TTC13: variants seen among roughly 807,000 people sequenced by gnomAD.
The protein encoded by TTC13 is tetratricopeptide repeat protein 13.
Under a neutral mutation model 120.0 loss-of-function variants are expected in TTC13, and 62 were observed. The ratio of observed to expected loss-of-function variants is 0.52; its 90% CI spans 0.42 to 0.64. The LOEUF is 0.64. TTC13 is among the 30% of genes least tolerant of loss of function. The pLI is 0.00. For synonymous variants in TTC13, 384 were observed against 393.5 expected, an observed-to-expected ratio of 0.98 and a Z score of 0.28; for missense variants, 824 against 1,050.2, an observed-to-expected ratio of 0.78 and a Z score of 2.98.
chr1:230,977,754 G>A (rs955426511), intron 1 of TTC13, among the ~76,000 whole-genome samples: 4 of 152,110 alleles, frequency 2.6e-5, no homozygotes, highest in African/African-American at 9.6e-5. Flanking sequence ...GGAGATTGAT[G>A]GGTAAAAAGA....
intron 4 of TTC13, among the ~76,000 whole-genome samples, chr1:230,945,866 A>G (rs1418132767): frequency 6.6e-6 from 1 of 152,232 alleles, no homozygotes; most frequent in African/African-American, 2.4e-5. Context: ...GTTTTCTTTC[A>G]TATATCCATG....
At chr1:230,970,428 G>A (rs1028726251) in intron 1 of TTC13, among the ~76,000 whole-genome samples, 2 of 152,118 alleles carry the variant, frequency 1.3e-5, no homozygotes, top group Non-Finnish European at 2.9e-5. Flanking sequence ...TTTTCAGGAT[G>A]GTAGTTTTAT....
At chr1:230,917,169 G>T (rs1053429094) in intron 17 of TTC13, among the ~76,000 whole-genome samples, 3 of 152,100 alleles carry the variant, frequency 2.0e-5, no homozygotes, top group African/African-American at 7.2e-5. Flanking sequence ...CACTGAGCAG[G>T]CAAGCATCTT....
chr1:230,967,964 A>T (rs1677292736), intron 1 of TTC13, among the ~76,000 whole-genome samples: 1 of 152,204 alleles, frequency 6.6e-6, no homozygotes, highest in Non-Finnish European at 1.5e-5. Flanking sequence ...GTTCTTCTAC[A>T]TCATCTCTGG....
intron 2 of TTC13, among the ~76,000 whole-genome samples, chr1:230,959,236 T>C (rs567273292): frequency 1.3e-3 from 198 of 152,258 alleles, no homozygotes; most frequent in African/African-American, 4.7e-3. Context: ...CAAAAAGATA[T>C]AGGGACGAGG....
rs770131332 is a variant in TTC13, at chr1:230,931,868, G to C, written c.993C>G (p.Gly331=). ...KSLGQAYREL[G]NFEAATESFQ... is the part of the protein sequence containing the mutation. ...AGCTCTCAGTGGCTGCTTCAAAATT[G>C]CCCAGTTCTCTAGGTATTTAATAAT... The change falls in exon 10 of 23, where the codon GGC becomes GGG. Residue 331 remains glycine (G), a synonymous_variant. Transcript: ENST00000366661. 5 of 1,613,934 alleles carry C rather than the reference G, an allele frequency of 3.1e-6. No homozygotes were observed. The highest frequency in any genetic ancestry group is 4.2e-6 in the Non-Finnish European group (5 of 1,179,992).
At chr1:230,932,082 A>G (rs1433641752) in intron 9 of TTC13, among the ~76,000 whole-genome samples, 2 of 152,156 alleles carry the variant, frequency 1.3e-5, no homozygotes, top group African/African-American at 4.8e-5. Context: ...AGAGCTCTTG[A>G]AATTCTGTGG....
intron 3 of TTC13, among the ~76,000 whole-genome samples, chr1:230,956,805 T>C (rs1451959436): frequency 1.3e-5 from 2 of 152,106 alleles, no homozygotes; most frequent in Non-Finnish European, 2.9e-5. Flanking sequence ...AATATTAGGA[T>C]CTAAATTTTG....
chr1:230,969,056 C>T (rs1227835612), intron 1 of TTC13, among the ~76,000 whole-genome samples: 2 of 152,078 alleles, frequency 1.3e-5, no homozygotes, highest in East Asian at 1.9e-4. Context: ...GGGCGGATCA[C>T]GAGGTCAGGA....
chr1:230,957,613 G>A (rs547362102), intron 3 of TTC13, among the ~76,000 whole-genome samples: 2 of 152,278 alleles, frequency 1.3e-5, no homozygotes, highest in Admixed American at 1.3e-4. Context: ...GCACTGCTCA[G>A]CCCTGTATTC....
In TTC13 at chr1:230,953,564, A is replaced by G. The variant is rs533901972; in HGVS notation, c.513+769T>C. Among the ~76,000 whole-genome samples, 145 of 152,362 alleles carry G rather than the reference A, an allele frequency of 9.5e-4. 1 individual carries two copies. Among genetic ancestry groups the G allele is most frequent in the Non-Finnish European group, 1.6e-3 (111 of 68,028 alleles). On this transcript the variant is annotated intron_variant, in intron 4 of 22. Transcript: ENST00000366661. ...TTTGGAGGTAGTTATTATTATCTCCATAACTCAGGAGTTTAAATAACTTGG... is the reference window on the plus strand; with the variant it reads ...TTTGGAGGTAGTTATTATTATCTCCGTAACTCAGGAGTTTAAATAACTTGG...
At chr1:230,969,976 CTTTT>C (rs1195825021) in intron 1 of TTC13, among the ~76,000 whole-genome samples, 11 of 152,214 alleles carry the variant, frequency 7.2e-5, no homozygotes, top group Non-Finnish European at 1.0e-4. Context: ...AACCTCATTT[CTTTT>C]GATTCTCCAT....
chr1:230,978,596 C>A lies in TTC13; in HGVS notation c.235G>T (p.Gly79Trp). Residue 79 changes from glycine to tryptophan, a missense_variant, in exon 1 of 23, where the codon GGG becomes TGG. Around this residue, in one of 4 missense-constraint regions of TTC13, gnomAD observed 160 missense variants for 137.2 expected, o/e 1.17. Coordinates refer to ENST00000366661, the MANE Select transcript of TTC13 (RefSeq NM_024525.5). This position sits in a 1 kb window ranked among gnomAD's most constrained non-coding sequence, Gnocchi z 5.6. ...GCAGAGTACTGGTCCCCCCAGTCCC[C>A]GGACTGCGGGCTGCAGCCGCCGCCG... is the stretch of plus-strand genomic sequence containing the variant. ...AGGGGCSPQS[G>W]DWGDQYSAEC... 7.2e-7 allele frequency: 1 copy of A among 1,393,854 alleles called. No individual in the cohort carries two copies. Among genetic ancestry groups the A allele is most frequent in the Non-Finnish European group, 9.5e-7 (1 of 1,052,514 alleles). 86.3% of individuals were successfully genotyped at this position (1,393,854 alleles called of 1,614,324 possible).
At chr1:230,966,097 G>A (rs1677099170) in intron 1 of TTC13, among the ~76,000 whole-genome samples, 1 of 151,976 alleles carries the variant, frequency 6.6e-6, no homozygotes, top group Non-Finnish European at 1.5e-5. Flanking sequence ...TTTGATTTCA[G>A]TATCACATTG....
In TTC13 at chr1:230,928,960, C is replaced by T. The variant is rs765205746; in HGVS notation, c.1434G>A (p.Gln478=). 2.5e-6 allele frequency: 4 copies of T among 1,614,030 alleles called. No homozygotes were observed. Among genetic ancestry groups the T allele is most frequent in the Admixed American group, 3.3e-5 (2 of 60,000 alleles). The change falls in exon 12 of 23, where the codon CAG becomes CAA. Residue 478 remains glutamine (Q), a synonymous_variant. Transcript: ENST00000366661. The part of the protein sequence containing the change: ...LPFLIEDYEE[Q]PGLQPHIKDV... Reference sequence around the variant, plus strand: ...ACTTTATGTGGGGTTGCAACCCTGGCTGCTCTTCGTAGTCTTCTATGAGGA... The same window carrying T: ...ACTTTATGTGGGGTTGCAACCCTGGTTGCTCTTCGTAGTCTTCTATGAGGA...
rs377430833 is a variant in TTC13, at chr1:230,908,704, G to T, written c.2468+8C>A. ...ATACCCTTGTGTGGACCCCCCTCAA[G>T]TAGTTACCTTTTCAAGTTCATCCAG... On this transcript the variant is annotated splice_region_variant and intron_variant, in intron 22 of 22. Transcript: ENST00000366661. 2.2e-5 allele frequency: 36 copies of T among 1,612,250 alleles called. No individual in the cohort carries two copies. Among genetic ancestry groups the T allele is most frequent in the Non-Finnish European group, 2.9e-5 (34 of 1,178,532 alleles).
At chr1:230,922,887 C>T (rs1672712433) in intron 15 of TTC13, among the ~76,000 whole-genome samples, 2 of 152,224 alleles carry the variant, frequency 1.3e-5, no homozygotes, top group African/African-American at 2.4e-5. Context: ...GCACAGCACA[C>T]TGGCTGATCT....
chr1:230,978,587 C>T lies in TTC13; in HGVS notation c.244G>A (p.Gly82Arg). 7.3e-7 allele frequency: 1 copy of T among 1,368,942 alleles called. No individual in the cohort carries two copies. Among genetic ancestry groups the T allele is most frequent in the Non-Finnish European group, 9.7e-7 (1 of 1,031,280 alleles). The allele number at this position is 1,368,942 out of a possible 1,614,324, so 84.8% of individuals were successfully genotyped here. The change falls in exon 1 of 23, where the codon GGG becomes AGG. Residue 82 changes from glycine to arginine, a missense_variant. Gly to Arg is a moderately radical substitution (Grantham distance 125). Coordinates refer to ENST00000366661, the MANE Select transcript of TTC13 (RefSeq NM_024525.5). This position sits in a 1 kb window ranked among gnomAD's most constrained non-coding sequence, Gnocchi z 5.6. ...CCGCACTCGGCAGAGTACTGGTCCC[C>T]CCAGTCCCCGGACTGCGGGCTGCAG... ...GGCSPQSGDW[G>R]DQYSAECGES... is the part of the protein sequence containing the mutation.
At position 230,906,933 on chromosome 1, in the gene TTC13, G is replaced by A. The variant is rs916813120; in HGVS notation, c.2555C>T (p.Ser852Phe). 1 of 1,527,038 alleles carries A rather than the reference G, an allele frequency of 6.5e-7. No homozygotes were observed. Among genetic ancestry groups the A allele is most frequent in the Non-Finnish European group, 8.7e-7 (1 of 1,144,348 alleles). 94.6% of individuals were successfully genotyped at this position (1,527,038 alleles called of 1,614,324 possible). A position where few individuals can be genotyped will look rare whatever the true frequency, so the allele number is the denominator to read the frequency against. Residue 852 changes from serine (S) to phenylalanine (F), a missense_variant, in exon 23 of 23, where the codon TCT (serine) becomes TTT (phenylalanine). Coordinates refer to ENST00000366661, the MANE Select transcript of TTC13 (RefSeq NM_024525.5). Reference protein sequence around the residue: ...RSMIEVLNTDSSPRCLKKL With the variant: ...RSMIEVLNTDFSPRCLKKL ...GAGTTTCTTAAGACAACGTGGAGAA[G>A]AGTCTGTGTTTAGCACCTCAATCAT...
Sources: allele counts gnomAD v4.1 joint callset (sites outside exome capture counted in the v4.1 genomes callset), GRCh38; gene constraint gnomAD v4.1.1; regional missense constraint gnomAD v4.1.1; non-coding constraint Gnocchi (gnomAD v3.1); transcripts MANE v1.5; gene names NCBI Gene and HGNC (gene_info 2026-07-23, HGNC 2026-07-21).